The following UNC5D variants were observed in gnomAD, a reference collection of about 807,000 sequenced individuals.
The protein encoded by UNC5D is netrin receptor UNC5D.
In UNC5D, 39 loss-of-function variants were observed where a neutral mutation model predicts 105.4. That is an observed-to-expected ratio of 0.37 (90% CI 0.29 to 0.48). The LOEUF is 0.48. Among genes scored for constraint, UNC5D ranks in the 20% least tolerant of loss-of-function variants. The pLI is 0.98. For missense variants in UNC5D, 991 were observed against 1,202.4 expected, an observed-to-expected ratio of 0.82 and a Z score of 2.60; for synonymous variants, 452 against 450.4, an observed-to-expected ratio of 1.00 and a Z score of -0.04.
intron 4 of UNC5D, among the ~76,000 whole-genome samples, chr8:35,663,273 C>T (rs1035163415): frequency 3.3e-5 from 5 of 152,190 alleles, no homozygotes; most frequent in Admixed American, 6.5e-5. Flanking sequence ...CTTTAGGTGG[C>T]TAAAGAAAAT....
intron 1 of UNC5D, among the ~76,000 whole-genome samples, chr8:35,445,886 A>G (rs1193784227): frequency 6.6e-6 from 1 of 152,122 alleles, no homozygotes; most frequent in African/African-American, 2.4e-5. Context: ...ATTTGGAAAA[A>G]TATATAAAAG....
At chr8:35,611,260 C>T (rs1432942821) in intron 4 of UNC5D, among the ~76,000 whole-genome samples, 2 of 152,070 alleles carry the variant, frequency 1.3e-5, no homozygotes, top group Non-Finnish European at 2.9e-5. Flanking sequence ...CCAGCCTACT[C>T]CCGTGAGCTC....
At chr8:35,658,223 A>T (rs777873542) in intron 4 of UNC5D, among the ~76,000 whole-genome samples, 9 of 152,214 alleles carry the variant, frequency 5.9e-5, no homozygotes, top group Non-Finnish European at 1.0e-4. Context: ...CTGTGTAAGA[A>T]ATTATTTGTT....
At chr8:35,539,896 A>C (rs554246109) in intron 1 of UNC5D, among the ~76,000 whole-genome samples, 8 of 152,226 alleles carry the variant, frequency 5.3e-5, no homozygotes, top group Non-Finnish European at 1.0e-4. Context: ...AAAAAGATTG[A>C]AAATACTTGC....
chr8:35,604,478 T>A (rs1820134328), intron 4 of UNC5D, among the ~76,000 whole-genome samples: 1 of 151,928 alleles, frequency 6.6e-6, no homozygotes, highest in African/African-American at 2.4e-5. Flanking sequence ...CCCTTAACAT[T>A]TTTTCCTTCA....
At chr8:35,629,260 C>G (rs960748000) in intron 4 of UNC5D, among the ~76,000 whole-genome samples, 1 of 152,116 alleles carries the variant, frequency 6.6e-6, no homozygotes, top group Admixed American at 6.6e-5. Flanking sequence ...GATGATATCT[C>G]AGTGTGGTTT....
intron 4 of UNC5D, among the ~76,000 whole-genome samples, chr8:35,667,047 G>A (rs1824469909): frequency 6.6e-6 from 1 of 152,014 alleles, no homozygotes; most frequent in South Asian, 2.1e-4. Context: ...TTAGTTTACG[G>A]AACTAAAAAA....
chr8:35,627,637 A>C (rs1443285710), intron 4 of UNC5D, among the ~76,000 whole-genome samples: 1 of 152,182 alleles, frequency 6.6e-6, no homozygotes, highest in Non-Finnish European at 1.5e-5. Context: ...TTTTAAAAAG[A>C]ATAAAACTTG....
chr8:35,699,988 A>C (rs1206968359), intron 7 of UNC5D, among the ~76,000 whole-genome samples: 1 of 152,190 alleles, frequency 6.6e-6, no homozygotes, highest in Non-Finnish European at 1.5e-5. Flanking sequence ...CTATGACCTA[A>C]ATGAACTTTG....
chr8:35,235,815 G>T lies in UNC5D; in HGVS notation c.31G>T (p.Gly11Cys). 6 of 1,229,998 alleles carry T rather than the reference G, an allele frequency of 4.9e-6. No individual in the cohort carries two copies. Among genetic ancestry groups the T allele is most frequent in the Non-Finnish European group, 6.1e-6 (6 of 986,458 alleles). The allele number at this position is 1,229,998 out of a possible 1,614,324, so 76.2% of individuals were successfully genotyped here. A position where few individuals can be genotyped will look rare whatever the true frequency, so the allele number is the denominator to read the frequency against. MGRAAATAGG[G>C]GGARRWLPWL... is the part of the protein sequence containing the mutation. ...GAGAGCGGCGGCCACCGCAGGCGGC[G>T]GCGGAGGGGCGCGCCGCTGGCTCCC... The change falls in exon 1 of 17, where the codon GGC (glycine) becomes TGC (cysteine). Residue 11 changes from glycine to cysteine, a missense_variant. Physicochemically the swap from Gly to Cys is radical, Grantham distance 159. This residue lies in a region of UNC5D where 944 missense variants were observed against 1,131.6 expected (regional missense o/e 0.83). Transcript: ENST00000404895.
Position 35,790,405 on chromosome 8 carries a change from T to C in UNC5D, c.2704T>C (p.Leu902=), listed in dbSNP as rs766293105. Residue 902 remains leucine (L), a synonymous_variant, in exon 17 of 17, where the codon TTG becomes CTG. Transcript: ENST00000404895. ...ATQSSPSAVI[L]NLWEARHQHD... The stretch of plus-strand genomic sequence containing the variant: ...ACAAAGTAGCCCATCTGCTGTCATT[T>C]TGAACCTGTGGGAAGCTCGTCATCA... 4 of 1,613,966 alleles carry C rather than the reference T, an allele frequency of 2.5e-6. No individual in the cohort carries two copies. The highest frequency in any genetic ancestry group is 2.7e-5 in the African/African-American group (2 of 75,050).
intron 4 of UNC5D, among the ~76,000 whole-genome samples, chr8:35,619,331 G>T (rs1033006869): frequency 5.3e-5 from 8 of 152,186 alleles, no homozygotes; most frequent in Admixed American, 5.2e-4. Flanking sequence ...AGCAAGATCG[G>T]CATGGTCAAA....
intron 1 of UNC5D, among the ~76,000 whole-genome samples, chr8:35,328,201 T>A (rs973430188): frequency 6.9e-6 from 1 of 145,760 alleles, no homozygotes; most frequent in African/African-American, 2.5e-5. Context: ...ACCCTAGAAA[T>A]GCTTTTAACA....
chr8:35,498,859 A>G (rs1811789412), intron 1 of UNC5D, among the ~76,000 whole-genome samples: 2 of 152,140 alleles, frequency 1.3e-5, no homozygotes, highest in African/African-American at 4.8e-5. Context: ...TATTTTTATT[A>G]CTTTTATTCC....
chr8:35,277,468 A>G (rs575506307), intron 1 of UNC5D, among the ~76,000 whole-genome samples: 1 of 152,280 alleles, frequency 6.6e-6, no homozygotes, highest in East Asian at 1.9e-4. Context: ...TATAATGCAT[A>G]TTGAATGTCC....
intron 1 of UNC5D, among the ~76,000 whole-genome samples, chr8:35,452,800 T>C (rs1808244575): frequency 6.6e-6 from 1 of 152,188 alleles, no homozygotes; most frequent in Non-Finnish European, 1.5e-5. Flanking sequence ...CAGGTATTTA[T>C]TGTCCAAATG....
At chr8:35,264,561 C>G (rs1279056773) in intron 1 of UNC5D, among the ~76,000 whole-genome samples, 2 of 151,998 alleles carry the variant, frequency 1.3e-5, no homozygotes, top group African/African-American at 4.8e-5. Context: ...AACCCCATCT[C>G]TACTAAAAAT....
chr8:35,625,545 A>G (rs1317406966), intron 4 of UNC5D, among the ~76,000 whole-genome samples: 1 of 152,242 alleles, frequency 6.6e-6, no homozygotes, highest in Non-Finnish European at 1.5e-5. Context: ...TTGTACACAT[A>G]CTGTAAAATG....
At chr8:35,369,903 C>G (rs1802330092) in intron 1 of UNC5D, among the ~76,000 whole-genome samples, 1 of 152,134 alleles carries the variant, frequency 6.6e-6, no homozygotes, top group Non-Finnish European at 1.5e-5. Flanking sequence ...TAAACCCACC[C>G]ACTTATTTTC....
Sources: allele counts gnomAD v4.1 joint callset (sites outside exome capture counted in the v4.1 genomes callset), GRCh38; gene constraint gnomAD v4.1.1; regional missense constraint gnomAD v4.1.1; transcripts MANE v1.5; gene names NCBI Gene and HGNC (gene_info 2026-07-23, HGNC 2026-07-21).